The following MEIS1 variants were observed in gnomAD, a reference collection of about 807,000 sequenced individuals.
MEIS1 encodes the protein homeobox protein Meis1.
In MEIS1, 5 loss-of-function variants were observed where a neutral mutation model predicts 50.8. The ratio of observed to expected loss-of-function variants is 0.10; its 90% CI spans 0.05 to 0.21. The LOEUF (loss-of-function observed/expected upper bound fraction) is 0.21. Among genes scored for constraint, MEIS1 ranks in the 10% least tolerant of loss-of-function variants. The pLI, the probability that MEIS1 is intolerant of heterozygous loss-of-function variation, is 1.00. For synonymous variants in MEIS1, 176 were observed against 179.3 expected (o/e 0.98, Z 0.15); for missense variants, 318 against 517.3 (o/e 0.61, Z 3.74).
chr2:66,539,781 G>T (rs868087458), intron 8 of MEIS1, among the ~76,000 whole-genome samples: 1 of 152,154 alleles, frequency 6.6e-6, no homozygotes, highest in African/African-American at 2.4e-5. Flanking sequence ...GCTGGAAGGA[G>T]AACATGGGTC....
At chr2:66,448,992 G>T (rs1183295412) in intron 6 of MEIS1, among the ~76,000 whole-genome samples, 1 of 152,044 alleles carries the variant, frequency 6.6e-6, no homozygotes, top group African/African-American at 2.4e-5. Flanking sequence ...TTGAATCAAA[G>T]TACTACTTTA....
At chr2:66,522,416 T>C (rs538538840) in intron 8 of MEIS1, among the ~76,000 whole-genome samples, 1 of 152,302 alleles carries the variant, frequency 6.6e-6, no homozygotes, top group Non-Finnish European at 1.5e-5. Context: ...GCAGCTCCAT[T>C]GAGACAACAG....
chr2:66,521,761 C>T (rs1674127338), intron 8 of MEIS1, among the ~76,000 whole-genome samples: 1 of 152,224 alleles, frequency 6.6e-6, no homozygotes, highest in Non-Finnish European at 1.5e-5. Context: ...GAGACAGCTG[C>T]TGCTAATGTC....
intron 8 of MEIS1, among the ~76,000 whole-genome samples, chr2:66,527,820 C>T (rs534193537): frequency 6.6e-6 from 1 of 152,070 alleles, no homozygotes; most frequent in Non-Finnish European, 1.5e-5. Flanking sequence ...TAAATCATGG[C>T]AAAACTTTAG....
At chr2:66,479,772 A>G (rs548895908) in intron 7 of MEIS1, among the ~76,000 whole-genome samples, 1 of 152,336 alleles carries the variant, frequency 6.6e-6, no homozygotes, top group South Asian at 2.1e-4. Flanking sequence ...CTTTAGGCAC[A>G]AAGTCTTAAG....
At chr2:66,496,695 A>G (rs948419212) in intron 7 of MEIS1, among the ~76,000 whole-genome samples, 2 of 152,190 alleles carry the variant, frequency 1.3e-5, no homozygotes, top group African/African-American at 4.8e-5. Context: ...TGCCCTAGCT[A>G]AGCGAGGATT....
chr2:66,507,305 G>A (rs993970927), intron 7 of MEIS1, among the ~76,000 whole-genome samples: 1 of 152,066 alleles, frequency 6.6e-6, no homozygotes. Context: ...GAGGAGAAAA[G>A]TAAAGTTTAA....
At chr2:66,496,938 C>T (rs541747232) in intron 7 of MEIS1, among the ~76,000 whole-genome samples, 1 of 152,226 alleles carries the variant, frequency 6.6e-6, no homozygotes, top group East Asian at 1.9e-4. Flanking sequence ...CTTCCTTGTA[C>T]ATTTCAGGGG....
chr2:66,498,245 C>T (rs563548574), intron 7 of MEIS1, among the ~76,000 whole-genome samples: 32 of 152,190 alleles, frequency 2.1e-4, no homozygotes, highest in Admixed American at 1.2e-3. Flanking sequence ...AAACGATGCG[C>T]GAAACATTTT....
intron 7 of MEIS1, among the ~76,000 whole-genome samples, chr2:66,480,019 C>A (rs1243517654): frequency 1.3e-5 from 2 of 152,154 alleles, no homozygotes; most frequent in Non-Finnish European, 2.9e-5. Flanking sequence ...GGCCTAGATT[C>A]TTGCCCTGTG....
intron 2 of MEIS1, 169 bp from the exon 3 acceptor site, chr2:66,439,674 G>T: frequency 1.3e-6 from 2 of 1,539,738 alleles, no homozygotes; most frequent in Non-Finnish European, 1.7e-6. Context: ...AAGGGGAGGT[G>T]AGCGGTCACC....
chr2:66,501,286 T>C (rs1437907189), intron 7 of MEIS1, among the ~76,000 whole-genome samples: 2 of 152,214 alleles, frequency 1.3e-5, no homozygotes, highest in East Asian at 3.8e-4. Context: ...AAGAAAATAC[T>C]CTTTATTTCC....
At chr2:66,528,460 C>T (rs1478821893) in intron 8 of MEIS1, among the ~76,000 whole-genome samples, 1 of 152,142 alleles carries the variant, frequency 6.6e-6, no homozygotes, top group Non-Finnish European at 1.5e-5. Flanking sequence ...GCTCTCCTTG[C>T]TGTCAGCGTC....
At chr2:66,566,193 A>G (rs1055473954) in intron 9 of MEIS1, among the ~76,000 whole-genome samples, 5 of 152,190 alleles carry the variant, frequency 3.3e-5, no homozygotes, top group Non-Finnish European at 7.4e-5. Flanking sequence ...TTCTAGTTTC[A>G]TTATTTGTTT....
intron 7 of MEIS1, among the ~76,000 whole-genome samples, chr2:66,509,914 C>T (rs1673782608): frequency 6.6e-6 from 1 of 152,172 alleles, no homozygotes; most frequent in Admixed American, 6.5e-5. Flanking sequence ...CTCTTCTAGG[C>T]AGGCACTATG....
intron 7 of MEIS1, among the ~76,000 whole-genome samples, chr2:66,484,250 A>G (rs190959888): frequency 6.6e-6 from 1 of 152,320 alleles, no homozygotes; most frequent in East Asian, 1.9e-4. Flanking sequence ...TCATCTACCA[A>G]ATGACTCGAA....
intron 8 of MEIS1, among the ~76,000 whole-genome samples, chr2:66,518,677 G>A (rs114564443): frequency 0.015 from 2,248 of 152,138 alleles, 36 homozygotes; most frequent in South Asian, 0.094. Context: ...TTATCTTTCC[G>A]ATTAAAATTG....
intron 7 of MEIS1, among the ~76,000 whole-genome samples, chr2:66,483,190 G>A (rs1673057917): frequency 6.7e-6 from 1 of 149,476 alleles, no homozygotes; most frequent in Admixed American, 6.7e-5. Flanking sequence ...TAGGACTGGT[G>A]TCCATTTCTA....
intron 7 of MEIS1, among the ~76,000 whole-genome samples, chr2:66,482,875 G>T (rs993744563): frequency 6.6e-6 from 1 of 152,184 alleles, no homozygotes; most frequent in Admixed American, 6.5e-5. Context: ...GGGCTTCAGT[G>T]TAGGATCAGA....
Sources: allele counts gnomAD v4.1 joint callset (sites outside exome capture counted in the v4.1 genomes callset), GRCh38; gene constraint gnomAD v4.1.1; transcripts MANE v1.5; gene names NCBI Gene and HGNC (gene_info 2026-07-23, HGNC 2026-07-21).